Variants in ATP8B4 observed in about 807,000 individuals in gnomAD.
ATP8B4 encodes ATPase phospholipid transporting 8B4 (putative), also known as probable phospholipid-transporting ATPase IM.
A neutral mutation model predicts 145.6 loss-of-function variants in ATP8B4; 133 were observed. The observed-to-expected ratio is 0.91, with a 90% CI of 0.79 to 1.05. The LOEUF (loss-of-function observed/expected upper bound fraction) is 1.05, where lower values mean the gene tolerates loss of function less well. Among genes scored for constraint, ATP8B4 ranks in the 50% least tolerant of loss-of-function variants. The pLI is 0.00. For missense variants in ATP8B4, 1,458 were observed against 1,425.2 expected (o/e 1.02, Z -0.37); for synonymous variants, 507 against 492.9 (o/e 1.03, Z -0.38).
chr15:49,883,827 CAAGTA>C lies in ATP8B4; in HGVS notation c.2698-4373_2698-4369del, dbSNP rs111808922. Among the ~76,000 whole-genome samples, 1,251 of 151,818 alleles carry C rather than the reference CAAGTA, an allele frequency of 8.2e-3. 18 individuals carry two copies. Among genetic ancestry groups the C allele is most frequent in the African/African-American group, 0.027 (1,138 of 41,394 alleles). Reference sequence around the variant, plus strand: ...ACCCAAAGGGGAAAAAAAGGTTTTCCAAGTATAGTTCAGAACCTTTTAGGGGATCC... The same window carrying C: ...ACCCAAAGGGGAAAAAAAGGTTTTCCTAGTTCAGAACCTTTTAGGGGATCC... On this transcript the variant is annotated intron_variant, in intron 23 of 27. Coordinates refer to ENST00000284509, the MANE Select transcript of ATP8B4 (RefSeq NM_024837.4).
chr15:49,946,591 G>A lies in ATP8B4; in HGVS notation c.1288-12409C>T, dbSNP rs1446139746. Among the ~76,000 whole-genome samples, 3 of 151,388 alleles carry A rather than the reference G, an allele frequency of 2.0e-5. No homozygotes were observed. In the East Asian group the frequency reaches 5.8e-4, roughly 29 times the overall value. On this transcript the variant is annotated intron_variant, in intron 14 of 27. Coordinates refer to ENST00000284509, the MANE Select transcript of ATP8B4 (RefSeq NM_024837.4). ...CAAACTCTATTTCCTTACATATCCT[G>A]CTAATTAATCCTTTTTTTTTTTTTA...
intron 20 of ATP8B4, 47 bp downstream of exon 20, chr15:49,916,887 C>G: frequency 3.9e-6 from 6 of 1,532,184 alleles, no homozygotes; most frequent in Non-Finnish European, 5.4e-6. Context: ...TTTTTTCCCT[C>G]CCTCCCTCTC....
chr15:49,919,537 C>T (rs983989205), intron 18 of ATP8B4, among the ~76,000 whole-genome samples: 33 of 152,158 alleles, frequency 2.2e-4, no homozygotes, highest in Non-Finnish European at 4.1e-4. Flanking sequence ...CCTGCCTCAG[C>T]CTCCCAAGTA....
intron 13 of ATP8B4, among the ~76,000 whole-genome samples, chr15:49,962,240 G>A (rs1478644037): frequency 2.6e-5 from 4 of 152,290 alleles, no homozygotes; most frequent in African/African-American, 9.6e-5. Flanking sequence ...GGACTAAAGT[G>A]CAGTAGGCAT....
In ATP8B4 at chr15:49,897,448, T is replaced by C. The variant is rs1191158157; in HGVS notation, c.2541A>G (p.Ser847=). Residue 847 remains serine, a synonymous_variant, in exon 23 of 28, where the codon TCA becomes TCG. Coordinates refer to ENST00000284509, the MANE Select transcript of ATP8B4 (RefSeq NM_024837.4). ...GLQAVLASDY[S]FAQFRYLQRL... Reference sequence around the variant, plus strand: ...TTTGGAGATATCTAAACTGTGCAAATGAATAGTCGCTGGCTAAGACTGCTT... The same window carrying C: ...TTTGGAGATATCTAAACTGTGCAAACGAATAGTCGCTGGCTAAGACTGCTT... 1.6e-5 allele frequency: 25 copies of C among 1,609,294 alleles called. No individual in the cohort carries two copies. The highest frequency in any genetic ancestry group is 1.7e-4 in the Middle Eastern group (1 of 6,050).
chr15:49,928,271 G>A (rs2040910360), intron 16 of ATP8B4, among the ~76,000 whole-genome samples: 1 of 152,062 alleles, frequency 6.6e-6, no homozygotes, highest in African/African-American at 2.4e-5. Flanking sequence ...TTGGAGAATA[G>A]AAAAAGAATT....
intron 15 of ATP8B4, among the ~76,000 whole-genome samples, chr15:49,933,660 T>TTTCA (rs1474652021): frequency 2.0e-5 from 3 of 152,104 alleles, no homozygotes; most frequent in Non-Finnish European, 4.4e-5. Context: ...CTCAACTGTA[T>TTTCA]TTCAGTATTT....
At chr15:50,100,035 C>CAAAAAAA (rs751319243) in intron 2 of ATP8B4, among the ~76,000 whole-genome samples, 2 of 80,246 alleles carry the variant, frequency 2.5e-5, no homozygotes, top group Non-Finnish European at 2.5e-5. Flanking sequence ...AACTCCATCT[C>CAAAAAAA]AAAAAAAAAA....
chr15:50,114,065 A>AT (rs2057077203), intron 1 of ATP8B4, among the ~76,000 whole-genome samples: 1 of 122,644 alleles, frequency 8.2e-6, no homozygotes, highest in Non-Finnish European at 1.7e-5. Context: ...GTCCTCTCAC[A>AT]TATCCCCTGT....
intron 3 of ATP8B4, among the ~76,000 whole-genome samples, chr15:50,053,016 G>A (rs1009069772): frequency 5.9e-5 from 9 of 152,170 alleles, no homozygotes; most frequent in African/African-American, 2.2e-4. Flanking sequence ...GATATGAAAA[G>A]AGCGATGAGG....
intron 14 of ATP8B4, among the ~76,000 whole-genome samples, chr15:49,959,228 G>A (rs1263437023): frequency 6.6e-6 from 1 of 151,782 alleles, no homozygotes; most frequent in Non-Finnish European, 1.5e-5. Context: ...ATCCTCATGG[G>A]TGACAAAGGG....
chr15:49,884,837 A>G (rs1403849856), intron 23 of ATP8B4, among the ~76,000 whole-genome samples: 1 of 152,060 alleles, frequency 6.6e-6, no homozygotes, highest in Non-Finnish European at 1.5e-5. Context: ...GCAGCCGCAT[A>G]AGATTATCAT....
chr15:50,152,943 G>A (rs541574792), intron 1 of ATP8B4, among the ~76,000 whole-genome samples: 35 of 152,290 alleles, frequency 2.3e-4, no homozygotes, highest in Non-Finnish European at 4.4e-4. Context: ...TTCTTCTTCT[G>A]GGAAGCCTGT....
At chr15:50,147,701 C>A (rs1443554083) in intron 1 of ATP8B4, among the ~76,000 whole-genome samples, 2 of 152,016 alleles carry the variant, frequency 1.3e-5, no homozygotes, top group South Asian at 2.1e-4. Context: ...CAACCAAGAT[C>A]AATGACACAA....
intron 1 of ATP8B4, among the ~76,000 whole-genome samples, chr15:50,166,470 G>T (rs7176815): frequency 0.9 from 136,257 of 152,138 alleles, 61,335 homozygotes; most frequent in East Asian, 0.94. Context: ...ATAAGCTCCT[G>T]TAGAGGGAAA....
chr15:50,164,935 T>C (rs1325910054), intron 1 of ATP8B4, among the ~76,000 whole-genome samples: 9 of 152,220 alleles, frequency 5.9e-5, no homozygotes, highest in Non-Finnish European at 8.8e-5. Context: ...CCCAAGCACA[T>C]AGACTCTTTC....
intron 6 of ATP8B4, among the ~76,000 whole-genome samples, chr15:50,038,129 A>G (rs1488459028): frequency 2.0e-5 from 3 of 151,930 alleles, no homozygotes; most frequent in Non-Finnish European, 4.4e-5. Context: ...AGCAAAAAAG[A>G]GAGTAAGAAA....
intron 14 of ATP8B4, among the ~76,000 whole-genome samples, chr15:49,942,927 T>G (rs2042276092): frequency 6.6e-6 from 1 of 151,972 alleles, no homozygotes; most frequent in African/African-American, 2.4e-5. Context: ...TAATTCAAAA[T>G]AGCTGTTGTA....
chr15:50,175,970 T>C (rs1472857977), intron 1 of ATP8B4, among the ~76,000 whole-genome samples: 1 of 151,626 alleles, frequency 6.6e-6, no homozygotes, highest in East Asian at 1.9e-4. Context: ...AATCAATGAG[T>C]GGTTAAAGAT....
Sources: gnomAD v4.1 joint callset for allele counts (sites outside exome capture counted in the v4.1 genomes callset) on GRCh38, gnomAD v4.1.1 for gene constraint, MANE v1.5 for transcripts, NCBI Gene and HGNC (gene_info 2026-07-23, HGNC 2026-07-21) for gene names.